The following PCDHGA1 variants were observed in gnomAD, a reference collection of about 807,000 sequenced individuals.
PCDHGA1 encodes protocadherin gamma subfamily A, 1, also known as protocadherin gamma-A1.
PCDHGA1 carries 32 observed loss-of-function variants against 58.0 expected under a neutral mutation model. The observed-to-expected ratio is 0.55, with a 90% CI of 0.42 to 0.74. The LOEUF (loss-of-function observed/expected upper bound fraction) is 0.74. Ranked by LOEUF, PCDHGA1 falls within the 30% of genes least tolerant of loss-of-function variation. The pLI, the probability that PCDHGA1 is intolerant of heterozygous loss-of-function variation, is 0.00. For missense variants in PCDHGA1, 1,205 were observed against 1,182.3 expected, an observed-to-expected ratio of 1.02 and a Z score of -0.28; for synonymous variants, 498 against 501.1, an observed-to-expected ratio of 0.99 and a Z score of 0.08.
Position 141,399,408 on chromosome 5 carries a change from C to G in PCDHGA1, c.2421+66303C>G, listed in dbSNP as rs373563586. On this transcript the variant is annotated intron_variant, in intron 1 of 3. Coordinates refer to ENST00000517417, the MANE Select transcript of PCDHGA1 (RefSeq NM_018912.3). ...CAGCCACAGACAGGGGCAAGCCGCC[C>G]CTCTCCTCCAGCATAAGCGTCATCC... 20 of 1,613,888 alleles carry G rather than the reference C, an allele frequency of 1.2e-5. No individual in the cohort carries two copies. In the East Asian group the frequency reaches 3.8e-4, roughly 31 times the overall value.
At chr5:141,421,619 C>T (rs778666303) in intron 1 of PCDHGA1, 2 of 1,613,694 alleles carry the variant, frequency 1.2e-6, no homozygotes, top group South Asian at 1.1e-5. Flanking sequence ...AATGATAACG[C>T]CCCCAGCTTC....
At position 141,355,200 on chromosome 5, in the gene PCDHGA1, A is replaced by G. The variant is rs1351394647; in HGVS notation, c.2421+22095A>G. ...ACAGGCGACTCCGCGGCGGGGTTGT[A>G]ATGGCGGCGCCTCCTGCTCGCCCAG... On this transcript the variant is annotated intron_variant, in intron 1 of 3. Transcript: ENST00000517417. 11 of 1,596,952 alleles carry G rather than the reference A, an allele frequency of 6.9e-6. No homozygotes were observed. The East Asian group carries it at 2.2e-4, about 32-fold the overall frequency.
At chr5:141,344,111 A>G in intron 1 of PCDHGA1, 1 of 1,614,020 alleles carries the variant, frequency 6.2e-7, no homozygotes, top group Non-Finnish European at 8.5e-7. Flanking sequence ...TGTGCGAAAC[A>G]GGATCCGGTC....
chr5:141,508,599 G>T lies in PCDHGA1; in HGVS notation c.2570-2348G>T, dbSNP rs948748985. On this transcript the variant is annotated intron_variant, in intron 3 of 3. Coordinates refer to ENST00000517417, the MANE Select transcript of PCDHGA1 (RefSeq NM_018912.3). ...CTCGGGGTGCTACTCAGAGATCTTGGGTGCACATAGGACGTGGGTGGGCCG... is the reference window on the plus strand; with the variant it reads ...CTCGGGGTGCTACTCAGAGATCTTGTGTGCACATAGGACGTGGGTGGGCCG... Among the ~76,000 whole-genome samples the T allele has an allele frequency of 3.9e-5, 6 of 152,212 alleles. No individual in the cohort carries two copies. The South Asian group carries it at 1.2e-3, about 32-fold the overall frequency.
rs1444171664 is a variant in PCDHGA1, at chr5:141,477,015, T to G, written c.2422-17792T>G. The G allele has an allele frequency of 1.2e-6, 2 of 1,614,210 alleles. No homozygotes were observed. Among genetic ancestry groups the G allele is most frequent in the Non-Finnish European group, 1.7e-6 (2 of 1,180,038 alleles). On this transcript the variant is annotated intron_variant, in intron 1 of 3. Coordinates refer to ENST00000517417, the MANE Select transcript of PCDHGA1 (RefSeq NM_018912.3). This position sits in a 1 kb window ranked among gnomAD's most constrained non-coding sequence, Gnocchi z 4.9. ...CGGCAACTATTCGCCTTAGACCTTG[T>G]AACCGGGATGCTGACAATCAAGGGT...
At chr5:141,474,881 C>A (rs2099356099) in intron 1 of PCDHGA1, among the ~76,000 whole-genome samples, 1 of 152,244 alleles carries the variant, frequency 6.6e-6, no homozygotes, top group South Asian at 2.1e-4. Context: ...AGCAGGAACT[C>A]TTAGAGGTTC....
intron 1 of PCDHGA1, chr5:141,339,569 C>T (rs1378848761): frequency 6.2e-7 from 1 of 1,614,178 alleles, no homozygotes; most frequent in South Asian, 1.1e-5. Context: ...GGAGCGCTCT[C>T]TGGACCGCGA....
chr5:141,341,573 A>G (rs1757069489), intron 1 of PCDHGA1: 2 of 1,252,730 alleles, frequency 1.6e-6, no homozygotes, highest in Non-Finnish European at 2.2e-6. Context: ...TAAGAGGAAG[A>G]AGAGACGTGA....
chr5:141,350,362 G>T, intron 1 of PCDHGA1: 1 of 1,572,076 alleles, frequency 6.4e-7, no homozygotes. Flanking sequence ...TCCGATACAC[G>T]ATTCCAGAGG....
At chr5:141,370,245 C>G (rs1766766732) in intron 1 of PCDHGA1, 1 of 646,036 alleles carries the variant, frequency 1.5e-6, no homozygotes, top group Non-Finnish European at 2.5e-6. Context: ...GAAAAGTGCA[C>G]TCTCTATCAG....
Position 141,467,771 on chromosome 5 carries a change from A to G in PCDHGA1, c.2422-27036A>G, listed in dbSNP as rs542500016. Among the ~76,000 whole-genome samples, 11 of 151,422 alleles carry G rather than the reference A, an allele frequency of 7.3e-5. No individual in the cohort carries two copies. The South Asian group carries it at 2.3e-3, about 32-fold the overall frequency. On this transcript the variant is annotated intron_variant, in intron 1 of 3. Transcript: ENST00000517417. Reference sequence around the variant, plus strand: ...CCGCCTCACATGCTCAAGTGCCCGCACCTCAGCCTCTCAAGTAGCTGGGAC... The same window carrying G: ...CCGCCTCACATGCTCAAGTGCCCGCGCCTCAGCCTCTCAAGTAGCTGGGAC...
At chr5:141,359,202 T>C (rs115467151) in intron 1 of PCDHGA1, among the ~76,000 whole-genome samples, 2 of 152,140 alleles carry the variant, frequency 1.3e-5, no homozygotes, top group African/African-American at 4.8e-5. Context: ...CAAGTGAATG[T>C]TGAGAGACAA....
intron 1 of PCDHGA1, chr5:141,414,831 G>A (rs1230752323): frequency 1.9e-6 from 3 of 1,614,212 alleles, no homozygotes; most frequent in Admixed American, 1.7e-5. Flanking sequence ...ACGTGTCGTT[G>A]AGCCTGTTTG....
chr5:141,456,383 T>G (rs1372337704), intron 1 of PCDHGA1, among the ~76,000 whole-genome samples: 4 of 152,130 alleles, frequency 2.6e-5, no homozygotes, highest in Admixed American at 2.6e-4. Flanking sequence ...ACAGCACCGT[T>G]TGGAGTTTGA....
chr5:141,407,924 C>T, intron 1 of PCDHGA1: 2 of 482,212 alleles, frequency 4.1e-6, no homozygotes, highest in Non-Finnish European at 3.6e-6. Flanking sequence ...CTGTCCCGCA[C>T]GGAGCCTCTG....
At chr5:141,375,802 T>G (rs754541889) in intron 1 of PCDHGA1, 15 of 1,614,072 alleles carry the variant, frequency 9.3e-6, no homozygotes, top group East Asian at 2.2e-5. Flanking sequence ...ACGGTTCCAC[T>G]GGCGTGGAGC....
chr5:141,361,838 G>T lies in PCDHGA1; in HGVS notation c.2421+28733G>T, dbSNP rs761837286. ...CCACGGGTGCTGTACCCCGCGCTGG[G>T]GCCTGATGGCTCCGCCCTCTTCGAT... On this transcript the variant is annotated intron_variant, in intron 1 of 3. Coordinates refer to ENST00000517417, the MANE Select transcript of PCDHGA1 (RefSeq NM_018912.3). 27 of 1,612,714 alleles carry T rather than the reference G, an allele frequency of 1.7e-5. No individual in the cohort carries two copies. Among genetic ancestry groups the T allele is most frequent in the Non-Finnish European group, 2.2e-5 (26 of 1,179,748 alleles).
At chr5:141,509,777 G>A (rs1244876699) in intron 3 of PCDHGA1, among the ~76,000 whole-genome samples, 1 of 152,100 alleles carries the variant, frequency 6.6e-6, no homozygotes, top group Non-Finnish European at 1.5e-5. Flanking sequence ...TCTAGTCCCC[G>A]AGATCATCAT....
intron 1 of PCDHGA1, chr5:141,395,290 T>A: frequency 6.5e-7 from 1 of 1,529,840 alleles, no homozygotes; most frequent in Non-Finnish European, 8.8e-7. Flanking sequence ...TTATTTGGCA[T>A]AAATTATGTT....
Sources: gnomAD v4.1 joint callset for allele counts (sites outside exome capture counted in the v4.1 genomes callset) on GRCh38, gnomAD v4.1.1 for gene constraint, Gnocchi (gnomAD v3.1) non-coding constraint, MANE v1.5 for transcripts, NCBI Gene and HGNC (gene_info 2026-07-23, HGNC 2026-07-21) for gene names.